CFAP74: variants seen among roughly 807,000 people sequenced by gnomAD.
The protein encoded by CFAP74 is cilia- and flagella-associated protein 74.
A neutral mutation model predicts 188.9 loss-of-function variants in CFAP74; 124 were observed. That is an observed-to-expected ratio of 0.66 (90% CI 0.57 to 0.76). The LOEUF (loss-of-function observed/expected upper bound fraction) is 0.76. Among genes scored for constraint, CFAP74 ranks in the 30% least tolerant of loss-of-function variants. The probability of loss-of-function intolerance (pLI) is 0.00; values close to 1 mark genes in which losing one functional copy is unlikely to be tolerated. For synonymous variants in CFAP74, 956 were observed against 916.7 expected (o/e 1.04, Z -0.77); for missense variants, 2,198 against 2,165.2 (o/e 1.02, Z -0.30).
intron 6 of CFAP74, among the ~76,000 whole-genome samples, chr1:1,981,476 T>A (rs1281166762): frequency 0.23 from 14,088 of 61,062 alleles, 251 homozygotes; most frequent in East Asian, 0.26. Context: ...CCAGCCGCGG[T>A]CACACGCGGG....
intron 6 of CFAP74, among the ~76,000 whole-genome samples, chr1:1,982,208 C>T (rs930227559): frequency 9.3e-5 from 14 of 150,886 alleles, no homozygotes; most frequent in Non-Finnish European, 2.1e-4. Context: ...GACACCCAGC[C>T]GTGGTCACAC....
At position 1,939,734 on chromosome 1, in the gene CFAP74, C is replaced by A; in HGVS notation, c.2737G>T (p.Val913Phe). The A allele has an allele frequency of 6.5e-7, 1 of 1,536,066 alleles. No individual in the cohort carries two copies. Among genetic ancestry groups the A allele is most frequent in the Non-Finnish European group, 8.7e-7 (1 of 1,146,878 alleles). Residue 913 changes from valine to phenylalanine, a missense_variant, in exon 24 of 39, where the codon GTC (valine) becomes TTC (phenylalanine). Transcript: ENST00000682832. ...KPVGFTVHAI[V>F]TTSDLELSPS... is the part of the protein sequence containing the mutation. ...CTGAGCTCCAGGTCCGAGGTGGTGA[C>A]AATGGCATGCACGGTGAATCCCACT...
At position 1,925,696 on chromosome 1, in the gene CFAP74, T is replaced by C. The variant is rs770914669; in HGVS notation, c.4104+87A>G. 4.4e-5 allele frequency: 64 copies of C among 1,459,470 alleles called. 1 individual carries two copies. Among genetic ancestry groups the C allele is most frequent in the Non-Finnish European group, 5.5e-5 (59 of 1,080,372 alleles). The allele number at this position is 1,459,470 out of a possible 1,614,324, so 90.4% of individuals were successfully genotyped here. ...CCCCACGGGCTCTCCGACCCACGGG[T>C]CACTTTTGACAGCTGGCCTGAGTCC... On this transcript the variant is annotated intron_variant, in intron 33 of 38. Transcript: ENST00000682832.
In CFAP74 at chr1:1,973,185, G is replaced by A; in HGVS notation, c.675-138C>T. 3 of 629,548 alleles carry A rather than the reference G, an allele frequency of 4.8e-6. No individual in the cohort carries two copies. Among genetic ancestry groups the A allele is most frequent in the Non-Finnish European group, 8.3e-6 (3 of 362,070 alleles). 39.0% of individuals were successfully genotyped at this position (629,548 alleles called of 1,614,324 possible). A position where few individuals can be genotyped will look rare whatever the true frequency, so the allele number is the denominator to read the frequency against. ...AGCTCTGTCCCGCACAGCCTCCCTTGGGGAGGAGCGAGGGTCCCTGGAGAG... is the reference window on the plus strand; with the variant it reads ...AGCTCTGTCCCGCACAGCCTCCCTTAGGGAGGAGCGAGGGTCCCTGGAGAG... On this transcript the variant is annotated intron_variant, in intron 7 of 38. Coordinates refer to ENST00000682832, the MANE Select transcript of CFAP74 (RefSeq NM_001304360.2). The surrounding 1 kb of genome is among the most constrained non-coding windows in gnomAD (Gnocchi z 6.2).
rs961663544 is a variant in CFAP74 at position 1,989,054 on chromosome 1, C to G, written c.68-81G>C. 3 of 716,088 alleles carry G rather than the reference C, an allele frequency of 4.2e-6. No homozygotes were observed. The Admixed American group carries it at 7.4e-5, about 18-fold the overall frequency. 44.4% of individuals were successfully genotyped at this position (716,088 alleles called of 1,614,324 possible). The stretch of plus-strand genomic sequence containing the variant: ...CTGAAGTTTTAGGATAAATCTTTTT[C>G]TTTTTTTGGGACAGGGTGTAAGGAA... On this transcript the variant is annotated intron_variant, in intron 2 of 38. Coordinates refer to ENST00000682832, the MANE Select transcript of CFAP74 (RefSeq NM_001304360.2).
intron 6 of CFAP74, among the ~76,000 whole-genome samples, chr1:1,978,934 C>T (rs866250594): frequency 6.6e-6 from 1 of 152,024 alleles, no homozygotes; most frequent in Non-Finnish European, 1.5e-5. Context: ...CATCATGTGA[C>T]GAGGCTGCAC....
chr1:2,003,205 T>C (rs1305279397), intron 1 of CFAP74, among the ~76,000 whole-genome samples: 1 of 152,204 alleles, frequency 6.6e-6, no homozygotes, highest in Non-Finnish European at 1.5e-5. Flanking sequence ...GTCCATTTCT[T>C]TTCAACTGTG....
intron 1 of CFAP74, among the ~76,000 whole-genome samples, chr1:1,994,592 T>G (rs192253906): frequency 6.6e-6 from 1 of 152,352 alleles, no homozygotes; most frequent in East Asian, 1.9e-4. Context: ...GGCAGGATTT[T>G]CAGAAACTAT....
intron 26 of CFAP74, among the ~76,000 whole-genome samples, chr1:1,929,350 G>C (rs1443006217): frequency 6.0e-4 from 1 of 1,676 alleles, no homozygotes; most frequent in South Asian, 0.029. Flanking sequence ...ATGGGGTTGG[G>C]GGTGACATGG....
chr1:2,001,670 G>T lies in CFAP74; in HGVS notation c.-20+2031C>A, dbSNP rs115449094. ...AAGGAAAAAAGAACTTCCCAGTGGA[G>T]ATGTTGGCAGATACCACCTTAATCA... On this transcript the variant is annotated intron_variant, in intron 1 of 38. Transcript: ENST00000682832. 1.2e-3 allele frequency among the ~76,000 whole-genome samples: 188 copies of T among 152,298 alleles called. 1 individual carries two copies. Among genetic ancestry groups the T allele is most frequent in the African/African-American group, 4.4e-3 (184 of 41,568 alleles).
chr1:1,927,101 C>T, intron 28 of CFAP74, 73 bp from the exon 29 acceptor site: 1 of 1,529,146 alleles, frequency 6.5e-7, no homozygotes, highest in Non-Finnish European at 8.8e-7. Flanking sequence ...ACCCCTGCGG[C>T]TCTGCCTCAG....
chr1:1,966,572 G>A (rs763467908), intron 11 of CFAP74, 46 bp from the exon 12 acceptor site: 2 of 1,426,964 alleles, frequency 1.4e-6, no homozygotes, highest in Non-Finnish European at 1.8e-6. Context: ...TCATGACAGA[G>A]AACAGGGAAG....
Position 1,927,639 on chromosome 1 carries a change from G to C in CFAP74, c.3495C>G (p.Val1165=). The change falls in exon 28 of 39, where the codon GTC becomes GTG. Residue 1165 remains valine (V), a synonymous_variant. Transcript: ENST00000682832. Reference sequence around the variant, plus strand: ...TCAGCTCCCGCTTCCGCATCTCCAGGACGTGGGGGACAGAGACTTTGAACA... The same window carrying C: ...TCAGCTCCCGCTTCCGCATCTCCAGCACGTGGGGGACAGAGACTTTGAACA... ...DKLFKVSVPH[V]LEMRKRELRP... is the part of the protein sequence containing the mutation. 6.5e-7 allele frequency: 1 copy of C among 1,550,162 alleles called. No homozygotes were observed. The highest frequency in any genetic ancestry group is 8.7e-7 in the Non-Finnish European group (1 of 1,146,862).
In CFAP74 at chr1:1,923,404, C is replaced by CA; in HGVS notation, c.4484dup (p.Thr1496AspfsTer7). On this transcript the variant is annotated frameshift_variant, in exon 36 of 39. Transcript: ENST00000682832. LOFTEE classifies it high-confidence loss of function. This position sits in a 1 kb window ranked among gnomAD's most constrained non-coding sequence, Gnocchi z 6.3. ...TGGGGTCAAATACAGGGATCGCTGT[C>CA]AGAGACTCCACGGGCACGTCCAGGG... 2 of 1,595,374 alleles carry CA rather than the reference C, an allele frequency of 1.3e-6. No homozygotes were observed. Among genetic ancestry groups the CA allele is most frequent in the Non-Finnish European group, 1.7e-6 (2 of 1,172,220 alleles).
At chr1:1,929,995 C>A in intron 26 of CFAP74, 65 bp downstream of exon 26, 1 of 1,455,656 alleles carries the variant, frequency 6.9e-7, no homozygotes. Flanking sequence ...GCCAGACACC[C>A]CAGGGGTAAA....
In CFAP74 at chr1:1,944,440, C is replaced by T; in HGVS notation, c.2377G>A (p.Val793Ile). 1 of 1,536,066 alleles carries T rather than the reference C, an allele frequency of 6.5e-7. No homozygotes were observed. The highest frequency in any genetic ancestry group is 1.2e-5 in the South Asian group (1 of 84,062). The change falls in exon 21 of 39, where the codon GTC (valine) becomes ATC (isoleucine). Residue 793 changes from valine (V) to isoleucine (I), a missense_variant. Physicochemically the swap from Val to Ile is conservative, Grantham distance 29. Coordinates refer to ENST00000682832, the MANE Select transcript of CFAP74 (RefSeq NM_001304360.2). ...NPQCPTLHFR[V>I]VGVAIDVPVW... ...GGCACATCGATGGCCACGCCCACGACCCTGAAATGCAGCTGCATATGGACA... is the reference window on the plus strand; with the variant it reads ...GGCACATCGATGGCCACGCCCACGATCCTGAAATGCAGCTGCATATGGACA...
chr1:1,922,835 GC>G, intron 37 of CFAP74, 112 bp from the exon 38 acceptor site: 1 of 1,481,222 alleles, frequency 6.8e-7, no homozygotes. Context: ...TGACCAGGCT[GC>G]CCACCCCACA....
intron 12 of CFAP74, among the ~76,000 whole-genome samples, chr1:1,965,760 C>T (rs1655424616): frequency 6.6e-6 from 1 of 152,220 alleles, no homozygotes; most frequent in South Asian, 2.1e-4. Flanking sequence ...TTGTTCACCA[C>T]CCTGGTCAGC....
Position 1,926,447 on chromosome 1 carries a change from A to G in CFAP74, c.3828+10T>C, listed in dbSNP as rs769733249. On this transcript the variant is annotated intron_variant, in intron 31 of 38. Coordinates refer to ENST00000682832, the MANE Select transcript of CFAP74 (RefSeq NM_001304360.2). ...CCCGCAGGCCGCCTGAGCTGGGTGG[A>G]CAAGGACACGGCCAGATCCTCGGGA... The G allele has an allele frequency of 1.9e-6, 3 of 1,550,242 alleles. No homozygotes were observed. In the South Asian group the frequency reaches 3.6e-5, roughly 18 times the overall value.
Sources: allele counts gnomAD v4.1 joint callset (sites outside exome capture counted in the v4.1 genomes callset), GRCh38; gene constraint gnomAD v4.1.1; non-coding constraint Gnocchi (gnomAD v3.1); transcripts MANE v1.5; gene names NCBI Gene and HGNC (gene_info 2026-07-23, HGNC 2026-07-21).